The following KIAA0319L variants were observed in gnomAD, a reference collection of about 807,000 sequenced individuals.
KIAA0319L encodes the protein KIAA0319 like, also known as dyslexia-associated protein KIAA0319-like protein.
Under a neutral mutation model 120.1 loss-of-function variants are expected in KIAA0319L, and 55 were observed. The ratio of observed to expected loss-of-function variants is 0.46; its 90% CI spans 0.37 to 0.57. The LOEUF is 0.57. Ranked by LOEUF, KIAA0319L falls within the 20% of genes least tolerant of loss-of-function variation. The pLI, the probability that KIAA0319L is intolerant of heterozygous loss-of-function variation, is 0.00. For missense variants in KIAA0319L, 1,049 were observed against 1,255.3 expected, an observed-to-expected ratio of 0.84 and a Z score of 2.48; for synonymous variants, 398 against 471.9, an observed-to-expected ratio of 0.84 and a Z score of 2.03.
chr1:35,469,538 C>A lies in KIAA0319L; in HGVS notation c.1113+1325G>T, dbSNP rs147902131. Among the ~76,000 whole-genome samples, 32 of 152,100 alleles carry A rather than the reference C, an allele frequency of 2.1e-4. No homozygotes were observed. In the East Asian group the frequency reaches 6.2e-3, roughly 30 times the overall value. Reference sequence around the variant, plus strand: ...CTTAGTCACAACCACATATAAATTCCCCTTTCCCCACATTTTCGCTCCCAT... The same window carrying A: ...CTTAGTCACAACCACATATAAATTCACCTTTCCCCACATTTTCGCTCCCAT... On this transcript the variant is annotated intron_variant, in intron 6 of 20. Transcript: ENST00000325722.
chr1:35,450,152 T>C, intron 14 of KIAA0319L, 147 bp from the exon 15 acceptor site: 1 of 1,084,070 alleles, frequency 9.2e-7, no homozygotes, highest in Non-Finnish European at 1.4e-6. Flanking sequence ...CATTGCAGCC[T>C]ACAACTGCTA....
intron 3 of KIAA0319L, among the ~76,000 whole-genome samples, chr1:35,494,424 G>A (rs987160084): frequency 1.8e-4 from 28 of 151,820 alleles, no homozygotes; most frequent in Middle Eastern, 3.4e-3. Context: ...AGTCCAGCCC[G>A]GGCAACAGTG....
chr1:35,442,791 C>T, intron 18 of KIAA0319L, 115 bp downstream of exon 18: 7 of 1,290,196 alleles, frequency 5.4e-6, no homozygotes, highest in Non-Finnish European at 7.6e-6. Context: ...AGAAAATACA[C>T]AAAGTTCTTC....
At chr1:35,467,055 G>A (rs998704557) in intron 6 of KIAA0319L, among the ~76,000 whole-genome samples, 1 of 151,434 alleles carries the variant, frequency 6.6e-6, no homozygotes, top group Non-Finnish European at 1.5e-5. Flanking sequence ...TCATGTCACT[G>A]CACTCCAGCA....
At chr1:35,480,388 G>A in intron 3 of KIAA0319L, among the ~76,000 whole-genome samples, 1 of 152,226 alleles carries the variant, frequency 6.6e-6, no homozygotes, top group Admixed American at 6.5e-5. Flanking sequence ...TGGGTTTGAA[G>A]AAGTAAGGCA....
intron 3 of KIAA0319L, among the ~76,000 whole-genome samples, chr1:35,487,209 T>C (rs1056258419): frequency 6.6e-6 from 1 of 152,168 alleles, no homozygotes; most frequent in Non-Finnish European, 1.5e-5. Flanking sequence ...CTGTAGACTT[T>C]GCTCCTTACA....
chr1:35,473,542 A>G (rs376305383), intron 5 of KIAA0319L, among the ~76,000 whole-genome samples: 16 of 152,220 alleles, frequency 1.1e-4, no homozygotes, highest in African/African-American at 3.6e-4. Flanking sequence ...GGTAGTAATC[A>G]ACAGCTCAAG....
chr1:35,519,125 A>G (rs183985597), intron 2 of KIAA0319L, among the ~76,000 whole-genome samples: 2 of 152,262 alleles, frequency 1.3e-5, no homozygotes, highest in East Asian at 3.9e-4. Flanking sequence ...CCCTAAAATT[A>G]TCTTGATTTA....
intron 3 of KIAA0319L, among the ~76,000 whole-genome samples, chr1:35,488,396 GT>G (rs545848264): frequency 6.6e-6 from 1 of 152,142 alleles, no homozygotes; most frequent in South Asian, 2.1e-4. Context: ...TGACACCCAT[GT>G]TTCTAGCCTG....
At chr1:35,483,538 G>T (rs1445646068) in intron 3 of KIAA0319L, among the ~76,000 whole-genome samples, 1 of 152,136 alleles carries the variant, frequency 6.6e-6, no homozygotes, top group African/African-American at 2.4e-5. Flanking sequence ...GGACCATATA[G>T]GTGTGGGTCT....
chr1:35,484,129 T>A (rs1475794971), intron 3 of KIAA0319L, among the ~76,000 whole-genome samples: 1 of 152,192 alleles, frequency 6.6e-6, no homozygotes, highest in Non-Finnish European at 1.5e-5. Flanking sequence ...ATGCTGAGGT[T>A]CCAGATGGAC....
At chr1:35,436,153 C>G (rs1040293780) in intron 20 of KIAA0319L, among the ~76,000 whole-genome samples, 69 of 152,300 alleles carry the variant, frequency 4.5e-4, no homozygotes, top group African/African-American at 1.6e-3. Flanking sequence ...ACTGAAAGTG[C>G]CTTGAGAGGA....
intron 2 of KIAA0319L, among the ~76,000 whole-genome samples, chr1:35,526,388 CATATAT>C (rs60847372): frequency 0.04 from 5,123 of 127,100 alleles, 251 homozygotes; most frequent in African/African-American, 0.12. Context: ...TATATACATA[CATATAT>C]ATATATATAT....
rs1036160213 is a variant in KIAA0319L at position 35,477,433 on chromosome 1, C to A, written c.913+1533G>T. 4.6e-5 allele frequency among the ~76,000 whole-genome samples: 7 copies of A among 152,204 alleles called. No homozygotes were observed. In the East Asian group the frequency reaches 5.8e-4, roughly 13 times the overall value. ...CTGTAATCCCAGCACTTTGGGAGGC[C>A]AAGGCGGACGGATCACAAGGTCAGG... On this transcript the variant is annotated intron_variant, in intron 4 of 20. Transcript: ENST00000325722.
At chr1:35,543,981 A>G (rs937321580) in intron 2 of KIAA0319L, among the ~76,000 whole-genome samples, 1 of 152,204 alleles carries the variant, frequency 6.6e-6, no homozygotes, top group Non-Finnish European at 1.5e-5. Context: ...ATACTTTCCT[A>G]TACTGAATTC....
At chr1:35,461,267 G>A (rs1642869994) in intron 8 of KIAA0319L, among the ~76,000 whole-genome samples, 1 of 152,146 alleles carries the variant, frequency 6.6e-6, no homozygotes, top group South Asian at 2.1e-4. Flanking sequence ...AGGAGTTTGA[G>A]ACCAGCCTGA....
rs77592428 is a variant in KIAA0319L at position 35,434,575 on chromosome 1, C to G, written c.*319G>C. 1 of 330,054 alleles carries G rather than the reference C, an allele frequency of 3.0e-6. No individual in the cohort carries two copies. Among genetic ancestry groups the G allele is most frequent in the East Asian group, 6.7e-5 (1 of 14,826 alleles). 20.4% of individuals were successfully genotyped at this position (330,054 alleles called of 1,614,324 possible). A position where few individuals can be genotyped will look rare whatever the true frequency, so the allele number is the denominator to read the frequency against. On this transcript the variant is annotated 3_prime_UTR_variant, in exon 21 of 21. Transcript: ENST00000325722. Reference sequence around the variant, plus strand: ...AGCACTCTGGGCACAATGACACTGTCCACTGGGGAGCTGCAGAGCTTAGCA... The same window carrying G: ...AGCACTCTGGGCACAATGACACTGTGCACTGGGGAGCTGCAGAGCTTAGCA...
At position 35,506,365 on chromosome 1, in the gene KIAA0319L, A is replaced by C. The variant is rs1455263711; in HGVS notation, c.666+247T>G. On this transcript the variant is annotated intron_variant, in intron 3 of 20. Coordinates refer to ENST00000325722, the MANE Select transcript of KIAA0319L (RefSeq NM_024874.5). The surrounding 1 kb of genome is among the most constrained non-coding windows in gnomAD (Gnocchi z 4.0). ...TACCTGTAGCCAAGAACCAGCTTAG[A>C]CTAGATAATGAGCAGCTTTCTGCAT... Among the ~76,000 whole-genome samples, 1 of 152,224 alleles carries C rather than the reference A, an allele frequency of 6.6e-6. No homozygotes were observed. Among genetic ancestry groups the C allele is most frequent in the Non-Finnish European group, 1.5e-5 (1 of 68,040 alleles).
chr1:35,535,932 G>C (rs1408439049), intron 2 of KIAA0319L, among the ~76,000 whole-genome samples: 1 of 152,152 alleles, frequency 6.6e-6, no homozygotes, highest in Non-Finnish European at 1.5e-5. Context: ...GAGCTTTCTT[G>C]TTAATTTTAA....
Sources: gnomAD v4.1 joint callset for allele counts (sites outside exome capture counted in the v4.1 genomes callset) on GRCh38, gnomAD v4.1.1 for gene constraint, Gnocchi (gnomAD v3.1) non-coding constraint, MANE v1.5 for transcripts, NCBI Gene and HGNC (gene_info 2026-07-23, HGNC 2026-07-21) for gene names.